Variants in SH3RF3 observed in about 807,000 individuals in gnomAD.
The protein encoded by SH3RF3 is E3 ubiquitin-protein ligase SH3RF3.
Under a neutral mutation model 66.3 loss-of-function variants are expected in SH3RF3, and 29 were observed. The ratio of observed to expected loss-of-function variants is 0.44; its 90% CI spans 0.33 to 0.60. SH3RF3 has a LOEUF of 0.60. Among genes scored for constraint, SH3RF3 ranks in the 20% least tolerant of loss-of-function variants. The pLI is 0.04. For missense variants in SH3RF3, 1,194 were observed against 1,190.9 expected (o/e 1.00, Z -0.04); for synonymous variants, 583 against 532.0 (o/e 1.10, Z -1.32).
intron 4 of SH3RF3, among the ~76,000 whole-genome samples, chr2:109,409,135 GT>G (rs1368878683): frequency 6.6e-6 from 1 of 152,308 alleles, no homozygotes; most frequent in East Asian, 1.9e-4. Context: ...ATATTCCACT[GT>G]TTTGATCCAT....
chr2:109,235,563 A>T (rs566359553), intron 1 of SH3RF3, among the ~76,000 whole-genome samples: 2 of 152,346 alleles, frequency 1.3e-5, no homozygotes, highest in East Asian at 3.9e-4. Context: ...GTGACTGGTA[A>T]GATGGTTCTC....
At chr2:109,188,215 G>C (rs1338454096) in intron 1 of SH3RF3, among the ~76,000 whole-genome samples, 1 of 152,246 alleles carries the variant, frequency 6.6e-6, no homozygotes, top group South Asian at 2.1e-4. Context: ...TCCTGCTGCA[G>C]CTTTGCCATG....
intron 1 of SH3RF3, among the ~76,000 whole-genome samples, chr2:109,339,841 C>T (rs1233416520): frequency 2.6e-5 from 4 of 152,194 alleles, no homozygotes; most frequent in Admixed American, 1.3e-4. Context: ...CCTGGCCCAA[C>T]GGATGACTGA....
At chr2:109,456,193 T>C (rs1678051906) in intron 8 of SH3RF3, among the ~76,000 whole-genome samples, 1 of 152,190 alleles carries the variant, frequency 6.6e-6, no homozygotes, top group Non-Finnish European at 1.5e-5. Flanking sequence ...CACTTGTGCC[T>C]GGCAGCTCTG....
At chr2:109,445,694 C>T (rs763473476) in intron 7 of SH3RF3, among the ~76,000 whole-genome samples, 13 of 151,472 alleles carry the variant, frequency 8.6e-5, no homozygotes, top group South Asian at 6.3e-4. Context: ...TGGGTGAAGG[C>T]GTTGACCTGG....
At chr2:109,202,883 T>G (rs754309837) in intron 1 of SH3RF3, among the ~76,000 whole-genome samples, 9 of 152,250 alleles carry the variant, frequency 5.9e-5, no homozygotes, top group Non-Finnish European at 1.0e-4. Flanking sequence ...CTTGGCTGAT[T>G]AGCACAGTTT....
At chr2:109,430,965 G>A (rs1220722817) in intron 5 of SH3RF3, among the ~76,000 whole-genome samples, 2 of 152,204 alleles carry the variant, frequency 1.3e-5, no homozygotes, top group East Asian at 1.9e-4. Context: ...GAGGGCAGAG[G>A]GCCTTGCTAT....
chr2:109,229,702 T>C (rs1679451207), intron 1 of SH3RF3, among the ~76,000 whole-genome samples: 1 of 152,168 alleles, frequency 6.6e-6, no homozygotes, highest in Non-Finnish European at 1.5e-5. Flanking sequence ...TGACTACATC[T>C]AGGTACCTCG....
intron 1 of SH3RF3, among the ~76,000 whole-genome samples, chr2:109,295,355 C>T (rs1681283775): frequency 6.6e-6 from 1 of 152,242 alleles, no homozygotes; most frequent in Non-Finnish European, 1.5e-5. Flanking sequence ...TCAAGTCACA[C>T]AGCTGGTGAG....
At chr2:109,212,914 G>T (rs1679023593) in intron 1 of SH3RF3, among the ~76,000 whole-genome samples, 2 of 152,120 alleles carry the variant, frequency 1.3e-5, no homozygotes, top group South Asian at 4.1e-4. Context: ...ACTTCTGTTG[G>T]GTGGGGGAGA....
At chr2:109,427,891 G>A (rs1039029993) in intron 5 of SH3RF3, among the ~76,000 whole-genome samples, 7 of 152,262 alleles carry the variant, frequency 4.6e-5, no homozygotes, top group Non-Finnish European at 7.3e-5. Context: ...GCCATCCTGA[G>A]GCCATACCTG....
Position 109,306,123 on chromosome 2 carries a change from A to G in SH3RF3, c.574-41551A>G, listed in dbSNP as rs542226976. Among the ~76,000 whole-genome samples the G allele has an allele frequency of 1.2e-4, 19 of 152,336 alleles. No individual in the cohort carries two copies. The South Asian group carries it at 3.3e-3, about 27-fold the overall frequency. On this transcript the variant is annotated intron_variant, in intron 1 of 9. Coordinates refer to ENST00000309415, the MANE Select transcript of SH3RF3 (RefSeq NM_001099289.3). ...TCACGCTAAAGTTGTTTCATTCAAC[A>G]TCAGCAGGAAGCAGATAACATTGTC...
At chr2:109,452,893 A>G (rs1573263962) in intron 8 of SH3RF3, among the ~76,000 whole-genome samples, 1 of 104,220 alleles carries the variant, frequency 9.6e-6, no homozygotes, top group Admixed American at 9.3e-5. Flanking sequence ...TGGTCCCAGG[A>G]GGCTGGTCCC....
chr2:109,356,319 A>G (rs943928638), intron 2 of SH3RF3, among the ~76,000 whole-genome samples: 5 of 152,078 alleles, frequency 3.3e-5, no homozygotes, highest in African/African-American at 1.2e-4. Context: ...TCCCACATTG[A>G]TATTTGAGCC....
Position 109,347,814 on chromosome 2 carries a change from C to T in SH3RF3, c.714C>T (p.Gly238=). The part of the protein sequence containing the change: ...DEQWYHGELH[G]TQGFLPASYI... Reference sequence around the variant, plus strand: ...AGTGGTACCACGGCGAGCTGCACGGCACACAGGGCTTCCTCCCAGCCAGCT... The same window carrying T: ...AGTGGTACCACGGCGAGCTGCACGGTACACAGGGCTTCCTCCCAGCCAGCT... The change falls in exon 2 of 10, where the codon GGC becomes GGT. Residue 238 remains glycine, a synonymous_variant. Coordinates refer to ENST00000309415, the MANE Select transcript of SH3RF3 (RefSeq NM_001099289.3). 3 of 1,613,998 alleles carry T rather than the reference C, an allele frequency of 1.9e-6. No individual in the cohort carries two copies. Among genetic ancestry groups the T allele is most frequent in the South Asian group, 2.2e-5 (2 of 91,080 alleles).
chr2:109,219,018 C>T (rs1464365858), intron 1 of SH3RF3, among the ~76,000 whole-genome samples: 1 of 152,228 alleles, frequency 6.6e-6, no homozygotes, highest in African/African-American at 2.4e-5. Context: ...ACCTCTCTTT[C>T]TTGGCTGCAG....
At chr2:109,287,634 G>A (rs575205817) in intron 1 of SH3RF3, among the ~76,000 whole-genome samples, 3 of 152,246 alleles carry the variant, frequency 2.0e-5, no homozygotes, top group African/African-American at 4.8e-5. Context: ...AATGGGAGGC[G>A]GGAGGGGAAC....
At chr2:109,493,769 A>G (rs1216155535) in intron 9 of SH3RF3, among the ~76,000 whole-genome samples, 5 of 152,076 alleles carry the variant, frequency 3.3e-5, no homozygotes, top group Non-Finnish European at 1.5e-5. Context: ...CCAAACATGC[A>G]CTGCACACAC....
At chr2:109,228,842 A>G (rs996159486) in intron 1 of SH3RF3, among the ~76,000 whole-genome samples, 1 of 152,150 alleles carries the variant, frequency 6.6e-6, no homozygotes, top group African/African-American at 2.4e-5. Context: ...TCCAACTTGT[A>G]GGGATTTTTA....
Sources: gnomAD v4.1 joint callset for allele counts (sites outside exome capture counted in the v4.1 genomes callset) on GRCh38, gnomAD v4.1.1 for gene constraint, MANE v1.5 for transcripts, NCBI Gene and HGNC (gene_info 2026-07-23, HGNC 2026-07-21) for gene names.